The following FAM13C variants were observed in gnomAD, a reference collection of about 807,000 sequenced individuals.
The protein encoded by FAM13C is protein FAM13C.
FAM13C carries 37 observed loss-of-function variants against 73.2 expected under a neutral mutation model. The ratio of observed to expected loss-of-function variants is 0.51; its 90% confidence interval spans 0.39 to 0.67. FAM13C has a LOEUF of 0.67. Ranked by LOEUF, FAM13C falls within the 30% of genes least tolerant of loss-of-function variation. The pLI is 0.00. For missense variants in FAM13C, 589 were observed against 715.6 expected (o/e 0.82, Z 2.02); for synonymous variants, 246 against 260.9 (o/e 0.94, Z 0.55).
intron 4 of FAM13C, among the ~76,000 whole-genome samples, chr10:59,323,722 C>T (rs535733416): frequency 3.3e-5 from 5 of 152,330 alleles, no homozygotes; most frequent in East Asian, 3.9e-4. Flanking sequence ...CAGCATTCCT[C>T]TCCAAGGGCA....
At chr10:59,298,310 T>C (rs562812916) in intron 5 of FAM13C, among the ~76,000 whole-genome samples, 205 of 152,370 alleles carry the variant, frequency 1.3e-3, no homozygotes, top group Admixed American at 6.1e-3. Context: ...CTTACCTATA[T>C]GGCCTTGAAA....
intron 1 of FAM13C, among the ~76,000 whole-genome samples, chr10:59,356,439 A>G (rs1242505337): frequency 6.6e-6 from 1 of 152,168 alleles, no homozygotes; most frequent in African/African-American, 2.4e-5. Context: ...AACTTTATGA[A>G]AAATTCTTGT....
chr10:59,278,855 CA>C lies in FAM13C; in HGVS notation c.592+4507del, dbSNP rs1452957512. 2.0e-3 allele frequency among the ~76,000 whole-genome samples: 308 copies of C among 152,146 alleles called. 1 individual carries two copies. The highest frequency in any genetic ancestry group is 7.0e-3 in the African/African-American group (292 of 41,490). On this transcript the variant is annotated intron_variant, in intron 6 of 13. Transcript: ENST00000618804. The stretch of plus-strand genomic sequence containing the variant: ...ACATACACACACACACACACACACA[CA>C]CACCATAATGAATTAAGTTTCTAAA...
At chr10:59,353,568 A>G (rs756547933) in intron 2 of FAM13C, among the ~76,000 whole-genome samples, 12 of 152,182 alleles carry the variant, frequency 7.9e-5, no homozygotes, top group Non-Finnish European at 1.5e-4. Context: ...CCTAAAGCCA[A>G]GAAGCAAGAC....
intron 3 of FAM13C, among the ~76,000 whole-genome samples, chr10:59,350,541 T>G (rs1227222876): frequency 6.6e-6 from 1 of 152,154 alleles, no homozygotes; most frequent in Non-Finnish European, 1.5e-5. Flanking sequence ...TGGAGTGCAT[T>G]CAGTAATAAT....
intron 3 of FAM13C, among the ~76,000 whole-genome samples, chr10:59,339,110 C>G (rs1853149990): frequency 6.6e-6 from 1 of 152,056 alleles, no homozygotes; most frequent in Admixed American, 6.6e-5. Flanking sequence ...CTTACATGGC[C>G]TTATTCCCTG....
At chr10:59,279,124 T>A (rs989040404) in intron 6 of FAM13C, among the ~76,000 whole-genome samples, 1 of 152,266 alleles carries the variant, frequency 6.6e-6, no homozygotes, top group Middle Eastern at 3.2e-3. Context: ...AAAGTATTAC[T>A]GAACCTTCTT....
intron 6 of FAM13C, among the ~76,000 whole-genome samples, chr10:59,276,855 T>G (rs1402574126): frequency 6.6e-6 from 1 of 152,170 alleles, no homozygotes; most frequent in East Asian, 1.9e-4. Flanking sequence ...TGTTTTGCAA[T>G]GGATGCAAAG....
At chr10:59,361,454 TC>T (rs1856399468) in intron 1 of FAM13C, among the ~76,000 whole-genome samples, 1 of 152,160 alleles carries the variant, frequency 6.6e-6, no homozygotes, top group Non-Finnish European at 1.5e-5. Context: ...GCCTTCTACA[TC>T]AAACTCATAA....
In FAM13C at chr10:59,269,951, T is replaced by G; in HGVS notation, c.751A>C (p.Asn251His). 1 of 1,614,010 alleles carries G rather than the reference T, an allele frequency of 6.2e-7. No homozygotes were observed. Among genetic ancestry groups the G allele is most frequent in the Non-Finnish European group, 8.5e-7 (1 of 1,179,918 alleles). ...GATGGGGCTGACTCGGGGTCTAAGTTGAATCTCTGGCTTTGGCTGAAGATG... is the reference window on the plus strand; with the variant it reads ...GATGGGGCTGACTCGGGGTCTAAGTGGAATCTCTGGCTTTGGCTGAAGATG... Reference protein sequence around the residue: ...CSIFSQSQRFNLDPESAPSPP... With the variant: ...CSIFSQSQRFHLDPESAPSPP... Residue 251 changes from asparagine to histidine, a missense_variant, in exon 7 of 14, where the codon AAC becomes CAC. Transcript: ENST00000618804.
At chr10:59,273,923 C>T (rs1844009674) in intron 6 of FAM13C, among the ~76,000 whole-genome samples, 1 of 152,182 alleles carries the variant, frequency 6.6e-6, no homozygotes, top group South Asian at 2.1e-4. Context: ...AAGTAAATCT[C>T]TATCTGCAAA....
chr10:59,301,324 A>G (rs390011), intron 5 of FAM13C: 149,527 of 152,354 alleles, frequency 0.98, 73,437 homozygotes, highest in Middle Eastern at 1. Flanking sequence ...CTGTATGGAA[A>G]TGCACACGTT....
At chr10:59,302,748 A>T in intron 5 of FAM13C, 53 bp downstream of exon 5, 1 of 1,520,054 alleles carries the variant, frequency 6.6e-7, no homozygotes, top group Middle Eastern at 1.7e-4. Flanking sequence ...AAGAATAGTA[A>T]ATCTCATGAT....
At chr10:59,269,417 T>TACACACAC (rs10532470) in intron 7 of FAM13C, among the ~76,000 whole-genome samples, 4,974 of 146,598 alleles carry the variant, frequency 0.034, 190 homozygotes, top group African/African-American at 0.099. Context: ...GGCATCCGAT[T>TACACACAC]ACACACACAC....
chr10:59,254,075 C>T (rs1476083285), intron 11 of FAM13C: 5 of 377,242 alleles, frequency 1.3e-5, no homozygotes, highest in Non-Finnish European at 2.3e-5. Context: ...TCTATCATTT[C>T]TTTTCACCCA....
intron 3 of FAM13C, among the ~76,000 whole-genome samples, chr10:59,332,612 A>G (rs1287597178): frequency 6.6e-6 from 1 of 152,246 alleles, no homozygotes; most frequent in Non-Finnish European, 1.5e-5. Context: ...ACTCAATAGT[A>G]TGACTTCTGT....
At chr10:59,256,841 C>G (rs1204537585) in intron 10 of FAM13C, among the ~76,000 whole-genome samples, 1 of 152,186 alleles carries the variant, frequency 6.6e-6, no homozygotes, top group Non-Finnish European at 1.5e-5. Context: ...TATTCTTCAG[C>G]TACTGTCTGC....
At chr10:59,249,002 A>T (rs189824026) in intron 13 of FAM13C, among the ~76,000 whole-genome samples, 5 of 152,318 alleles carry the variant, frequency 3.3e-5, no homozygotes, top group Non-Finnish European at 5.9e-5. Context: ...ATACCACCTT[A>T]ATTTGTATAA....
At chr10:59,362,687 G>T, upstream of FAM13C, 2 of 1,015,000 alleles carry the variant, frequency 2.0e-6, no homozygotes, top group Non-Finnish European at 2.7e-6. Flanking sequence ...GAGCTGGGCG[G>T]GGCGCGGCGG....
Sources: gnomAD v4.1 joint callset for allele counts (sites outside exome capture counted in the v4.1 genomes callset) on GRCh38, gnomAD v4.1.1 for gene constraint, MANE v1.5 for transcripts, NCBI Gene and HGNC (gene_info 2026-07-23, HGNC 2026-07-21) for gene names.